Variants in CDH11 observed in about 807,000 individuals in gnomAD.
CDH11 encodes the protein cadherin-11.
Under a neutral mutation model 67.8 loss-of-function variants are expected in CDH11, and 11 were observed. The observed-to-expected ratio is 0.16, with a 90% CI of 0.10 to 0.27. The LOEUF is 0.27. Ranked by LOEUF, CDH11 falls within the 10% of genes least tolerant of loss-of-function variation. The pLI is 1.00. For synonymous variants in CDH11, 419 were observed against 400.0 expected (o/e 1.05, Z -0.57); for missense variants, 847 against 1,031.2 (o/e 0.82, Z 2.45).
intron 1 of CDH11, among the ~76,000 whole-genome samples, chr16:65,088,066 A>C (rs973477523): frequency 2.6e-5 from 4 of 152,174 alleles, no homozygotes; most frequent in Non-Finnish European, 5.9e-5. Context: ...ATGGAGTTTT[A>C]GGGAAGTGGT....
At chr16:65,030,787 T>A (rs548481494) in intron 2 of CDH11, among the ~76,000 whole-genome samples, 1 of 152,250 alleles carries the variant, frequency 6.6e-6, no homozygotes, top group East Asian at 1.9e-4. Context: ...TGTCTCAAAC[T>A]CCTGAGCTCA....
At position 64,945,362 on chromosome 16, in the gene CDH11, G is replaced by T; in HGVS notation, c.*2241C>A. 1 of 983,048 alleles carries T rather than the reference G, an allele frequency of 1.0e-6. No individual in the cohort carries two copies. The highest frequency in any genetic ancestry group is 1.2e-6 in the Non-Finnish European group (1 of 815,836). The allele number at this position is 983,048 out of a possible 1,614,324, so 60.9% of individuals were successfully genotyped here. A position where few individuals can be genotyped will look rare whatever the true frequency, so the allele number is the denominator to read the frequency against. On this transcript the variant is annotated 3_prime_UTR_variant, in exon 13 of 13. Coordinates refer to ENST00000268603, the MANE Select transcript of CDH11 (RefSeq NM_001797.4). Reference sequence around the variant, plus strand: ...ATTCTTAACTACTGAAAAGTAAACAGCCTTTTTAAAAAAGACTTCAACATA... The same window carrying T: ...ATTCTTAACTACTGAAAAGTAAACATCCTTTTTAAAAAAGACTTCAACATA...
intron 11 of CDH11, among the ~76,000 whole-genome samples, chr16:64,958,335 A>T (rs977168358): frequency 1.3e-5 from 2 of 152,128 alleles, no homozygotes; most frequent in Admixed American, 1.3e-4. Flanking sequence ...ACTCCTTCTA[A>T]TGTTGCTTAT....
At chr16:64,951,154 T>A (rs2071352944) in intron 11 of CDH11, 136 bp from the exon 12 acceptor site, 1 of 846,454 alleles carries the variant, frequency 1.2e-6, no homozygotes, top group Non-Finnish European at 1.8e-6. Context: ...TGTTCTTTCA[T>A]CTAAGTATCT....
At chr16:65,095,929 A>T (rs1352607603) in intron 1 of CDH11, among the ~76,000 whole-genome samples, 1 of 152,214 alleles carries the variant, frequency 6.6e-6, no homozygotes, top group Non-Finnish European at 1.5e-5. Flanking sequence ...AGGCCTTGAG[A>T]TGGTGCCATC....
intron 7 of CDH11, chr16:64,985,185 C>T (rs1249618251): frequency 6.6e-6 from 1 of 152,122 alleles, no homozygotes; most frequent in African/African-American, 2.4e-5. Context: ...TCCAAATACC[C>T]CAAGGGTAGT....
At chr16:64,993,937 T>C (rs2072699579) in intron 4 of CDH11, among the ~76,000 whole-genome samples, 1 of 152,210 alleles carries the variant, frequency 6.6e-6, no homozygotes, top group Admixed American at 6.5e-5. Flanking sequence ...TCTACTGTAT[T>C]AGTGAGAAAT....
At chr16:64,980,936 G>A (rs1193542833) in intron 8 of CDH11, among the ~76,000 whole-genome samples, 4 of 151,810 alleles carry the variant, frequency 2.6e-5, no homozygotes, top group Non-Finnish European at 4.4e-5. Flanking sequence ...GAAATTCCAG[G>A]GCACTATCAA....
intron 3 of CDH11, among the ~76,000 whole-genome samples, chr16:65,001,211 G>C (rs1332703267): frequency 6.6e-6 from 1 of 152,084 alleles, no homozygotes; most frequent in African/African-American, 2.4e-5. Flanking sequence ...GTTTCTAGGG[G>C]GAAAAAATAA....
chr16:65,007,864 G>A (rs572438760), intron 2 of CDH11, among the ~76,000 whole-genome samples: 1 of 152,188 alleles, frequency 6.6e-6, no homozygotes, highest in East Asian at 1.9e-4. Flanking sequence ...CACAAAGCAG[G>A]CCGTCAATAC....
rs1226358078 is a variant in CDH11, at chr16:65,058,145, C to A, written c.-297-4217G>T. Among the ~76,000 whole-genome samples, 3 of 152,152 alleles carry A rather than the reference C, an allele frequency of 2.0e-5. 1 individual carries two copies. The Middle Eastern group carries it at 0.01, about 518-fold the overall frequency. ...GCTGAGACTTGAGGATCGTTTGAGC[C>A]TGGGGGATCGAGGCTGCAGTGAGCC... is the stretch of plus-strand genomic sequence containing the variant. On this transcript the variant is annotated intron_variant, in intron 1 of 12. Transcript: ENST00000268603.
chr16:65,008,718 T>A (rs1332032528), intron 2 of CDH11, among the ~76,000 whole-genome samples: 1 of 152,108 alleles, frequency 6.6e-6, no homozygotes, highest in African/African-American at 2.4e-5. Flanking sequence ...CAGTAAACAA[T>A]CACAACTCTT....
At chr16:64,948,201 C>G in intron 12 of CDH11, 102 bp from the exon 13 acceptor site, 4 of 1,424,156 alleles carry the variant, frequency 2.8e-6, no homozygotes, top group African/African-American at 1.4e-5. Context: ...GGTATAAATG[C>G]TCAGAACAGG....
chr16:65,089,925 ATATAT>A, intron 1 of CDH11, among the ~76,000 whole-genome samples: 1 of 152,274 alleles, frequency 6.6e-6, no homozygotes, highest in East Asian at 1.9e-4. Context: ...TTCAATAATA[ATATAT>A]TATTTAAGTG....
rs1389816522 is a variant in CDH11 at position 65,056,833 on chromosome 16, TC to T, written c.-297-2906del. ...CAAATCTGTAAAAGACCGATCGAAC[TC>T]CCCACTTTGTCTTGCATTCTTTACC... On this transcript the variant is annotated intron_variant, in intron 1 of 12. Transcript: ENST00000268603. 4.6e-5 allele frequency among the ~76,000 whole-genome samples: 7 copies of T among 152,266 alleles called. No individual in the cohort carries two copies. The East Asian group carries it at 1.4e-3, about 29-fold the overall frequency.
intron 12 of CDH11, chr16:64,948,484 CA>C: frequency 1.2e-6 from 1 of 853,274 alleles, no homozygotes; most frequent in Non-Finnish European, 1.9e-6. Context: ...GCTGTTTTTC[CA>C]AGGTTTAAAA....
rs114326861 is a variant in CDH11 at position 65,053,400 on chromosome 16, G to A, written c.-173+404C>T. Among the ~76,000 whole-genome samples the A allele has an allele frequency of 5.6e-3, 852 of 152,254 alleles. 11 individuals carry two copies. The highest frequency in any genetic ancestry group is 0.019 in the African/African-American group (790 of 41,530). ...GAAGTCTAAAAGGTTCAGCCTCCTA[G>A]CAATCTCATTTCCTTGTGGGACATA... is the stretch of plus-strand genomic sequence containing the variant. On this transcript the variant is annotated intron_variant, in intron 2 of 12. Coordinates refer to ENST00000268603, the MANE Select transcript of CDH11 (RefSeq NM_001797.4).
At chr16:65,103,523 T>C (rs1408864694) in intron 1 of CDH11, among the ~76,000 whole-genome samples, 2 of 152,218 alleles carry the variant, frequency 1.3e-5, no homozygotes, top group Non-Finnish European at 2.9e-5. Flanking sequence ...AAGCATGTTA[T>C]GTAATCCGAT....
rs1567545160 is a variant in CDH11, at chr16:65,043,337, TAG to T, written c.-173+10465_-173+10466del. On this transcript the variant is annotated intron_variant, in intron 2 of 12. Transcript: ENST00000268603. ...GGGACGCTGACTCTGAGATGGAGTT[TAG>T]CATGGGGATGTTTACTAGGGGGTAC... Among the ~76,000 whole-genome samples, 378 of 152,258 alleles carry T rather than the reference TAG, an allele frequency of 2.5e-3. 3 individuals are homozygous for T. Among genetic ancestry groups the T allele is most frequent in the African/African-American group, 8.4e-3 (349 of 41,548 alleles).
Sources: allele counts gnomAD v4.1 joint callset (sites outside exome capture counted in the v4.1 genomes callset), GRCh38; gene constraint gnomAD v4.1.1; transcripts MANE v1.5; gene names NCBI Gene and HGNC (gene_info 2026-07-23, HGNC 2026-07-21).